POR: variants seen among roughly 807,000 people sequenced by gnomAD.
POR encodes NADPH--cytochrome P450 reductase.
A neutral mutation model predicts 84.0 loss-of-function variants in POR; 56 were observed. The ratio of observed to expected loss-of-function variants is 0.67; its 90% confidence interval spans 0.54 to 0.83. The LOEUF (loss-of-function observed/expected upper bound fraction) is 0.83. Among genes scored for constraint, POR ranks in the 40% least tolerant of loss-of-function variants. The pLI, the probability that POR is intolerant of heterozygous loss-of-function variation, is 0.00. For missense variants in POR, 938 were observed against 944.3 expected (o/e 0.99, Z 0.09); for synonymous variants, 414 against 400.5 (o/e 1.03, Z -0.40).
rs782678534 is a variant in POR at position 75,982,207 on chromosome 7, T to TG, written c.732-15dup. 10 of 1,599,294 alleles carry TG rather than the reference T, an allele frequency of 6.3e-6. No individual in the cohort carries two copies. Among genetic ancestry groups the TG allele is most frequent in the South Asian group, 3.4e-5 (3 of 88,882 alleles). On this transcript the variant is annotated splice_polypyrimidine_tract_variant and intron_variant, in intron 7 of 15. Transcript: ENST00000461988. ...CCCTGCCGCTTCCCGGCCTCACCCT[T>TG]GGTCTCCCCTTTCCAGCATTCGCCA...
chr7:75,942,437 A>G (rs1171423958), intron 1 of POR, among the ~76,000 whole-genome samples: 17 of 152,268 alleles, frequency 1.1e-4, no homozygotes, highest in African/African-American at 4.1e-4. Flanking sequence ...CATTTTAATC[A>G]TTGGAAGACA....
In POR at chr7:75,981,444, C is replaced by T. The variant is rs1789035211; in HGVS notation, c.642-73C>T. ...CTTTGGGGATGGGGTGGGGTCGGGG[C>T]GTGCCTGGCACCAGGTACCGTTGCC... On this transcript the variant is annotated intron_variant, in intron 6 of 15. Coordinates refer to ENST00000461988, the MANE Select transcript of POR (RefSeq NM_000941.3). 11 of 1,419,492 alleles carry T rather than the reference C, an allele frequency of 7.7e-6. No homozygotes were observed. The Admixed American group carries it at 1.4e-4, about 18-fold the overall frequency. The allele number at this position is 1,419,492 out of a possible 1,614,324, so 87.9% of individuals were successfully genotyped here.
chr7:75,935,307 C>T (rs1190192010), intron 1 of POR, among the ~76,000 whole-genome samples: 4 of 151,996 alleles, frequency 2.6e-5, no homozygotes, highest in Admixed American at 1.3e-4. Flanking sequence ...AGTGCATTGG[C>T]GCTATCTCAG....
At chr7:75,943,518 C>A (rs1214386036) in intron 1 of POR, among the ~76,000 whole-genome samples, 1 of 152,138 alleles carries the variant, frequency 6.6e-6, no homozygotes, top group Admixed American at 6.6e-5. Context: ...ATAATAGATT[C>A]AAATTTTTTG....
intron 1 of POR, chr7:75,921,161 G>A (rs782497238): frequency 6.6e-6 from 1 of 151,978 alleles, no homozygotes; most frequent in Non-Finnish European, 1.5e-5. Context: ...TGGCCTCACC[G>A]ACTTCCTGGG....
intron 1 of POR, among the ~76,000 whole-genome samples, chr7:75,936,823 A>ATT (rs71519400): frequency 1.6e-4 from 20 of 123,566 alleles, no homozygotes; most frequent in Non-Finnish European, 2.8e-4. Context: ...ATTATTATTA[A>ATT]TTTTTTTTTT....
intron 1 of POR, among the ~76,000 whole-genome samples, chr7:75,924,204 G>A (rs1163946984): frequency 6.6e-6 from 1 of 151,846 alleles, no homozygotes; most frequent in Non-Finnish European, 1.5e-5. Flanking sequence ...TAGGAAGAAA[G>A]GCACAAAAAT....
At chr7:75,966,116 A>G (rs1788169464) in intron 2 of POR, among the ~76,000 whole-genome samples, 1 of 152,172 alleles carries the variant, frequency 6.6e-6, no homozygotes, top group Non-Finnish European at 1.5e-5. Flanking sequence ...GGTGAGGATT[A>G]AACAAAATAA....
At chr7:75,985,517 T>A in intron 12 of POR, 62 bp from the exon 13 acceptor site, 1 of 1,452,506 alleles carries the variant, frequency 6.9e-7, no homozygotes, top group Non-Finnish European at 9.1e-7. Context: ...GAACGGGACT[T>A]GGGGCCGGGG....
rs72553978 is a variant in POR, at chr7:75,915,200, C to T, written c.-5+21C>T. The T allele has an allele frequency of 3.9e-3, 610 of 154,548 alleles. 5 individuals are homozygous for T. The highest frequency in any genetic ancestry group is 0.022 in the South Asian group (106 of 4,924). The allele number at this position is 154,548 out of a possible 1,614,324, so 9.6% of individuals were successfully genotyped here. A position where few individuals can be genotyped will look rare whatever the true frequency, so the allele number is the denominator to read the frequency against. On this transcript the variant is annotated intron_variant, in intron 1 of 15. Coordinates refer to ENST00000461988, the MANE Select transcript of POR (RefSeq NM_000941.3). ...CAGCGGTGAGTGCTATCTTTCGCGG[C>T]GACGGCGGGGTGGGTGAGGTCGGGC...
intron 1 of POR, among the ~76,000 whole-genome samples, chr7:75,935,585 CCCTT>C (rs1386315183): frequency 6.6e-6 from 1 of 150,894 alleles, no homozygotes; most frequent in Admixed American, 6.6e-5. Flanking sequence ...TGGTACTTCT[CCCTT>C]CCTGCCTTTT....
intron 1 of POR, chr7:75,915,431 G>A (rs570664443): frequency 2.0e-5 from 3 of 152,416 alleles, no homozygotes; most frequent in East Asian, 1.9e-4. Context: ...TCCACAGCTT[G>A]GGCCGAGAGA....
At chr7:75,924,113 G>A (rs1457475340) in intron 1 of POR, among the ~76,000 whole-genome samples, 2 of 152,076 alleles carry the variant, frequency 1.3e-5, no homozygotes, top group African/African-American at 4.8e-5. Flanking sequence ...CTCCCTAAGA[G>A]TCCTGCAGCA....
chr7:75,986,113 GGCCACA>G (rs782001854), intron 14 of POR, 40 bp from the exon 15 acceptor site: 1 of 1,581,598 alleles, frequency 6.3e-7, no homozygotes, highest in Admixed American at 1.8e-5. Flanking sequence ...AGGCTGGCAG[GGCCACA>G]GCCACAGTGC....
chr7:75,972,344 C>G, intron 2 of POR, 69 bp from the exon 3 acceptor site: 12 of 1,401,914 alleles, frequency 8.6e-6, no homozygotes, highest in Non-Finnish European at 1.2e-5. Flanking sequence ...CTAAGGACAC[C>G]CACGTCCCGT....
intron 1 of POR, among the ~76,000 whole-genome samples, chr7:75,945,154 A>G (rs1465863536): frequency 6.6e-6 from 1 of 151,806 alleles, no homozygotes; most frequent in Non-Finnish European, 1.5e-5. Flanking sequence ...GGTGAGGCAC[A>G]CCTGTAGTCC....
At position 75,986,754 on chromosome 7, in the gene POR, TTCTC is replaced by T. The variant is rs1437578437; in HGVS notation, c.*277_*280del. ...CTCGGTGGCTGCACAGAAGGGCTCT[TTCTC>T]TCTGCTGAGCTGGGCCCAGCCCCTC... On this transcript the variant is annotated 3_prime_UTR_variant, in exon 16 of 16. Transcript: ENST00000461988. The T allele has an allele frequency of 6.9e-6, 4 of 580,012 alleles. No homozygotes were observed. Among genetic ancestry groups the T allele is most frequent in the South Asian group, 4.4e-5 (2 of 45,218 alleles). 35.9% of individuals were successfully genotyped at this position (580,012 alleles called of 1,614,324 possible).
At chr7:75,941,363 C>A (rs1807971468) in intron 1 of POR, among the ~76,000 whole-genome samples, 1 of 152,174 alleles carries the variant, frequency 6.6e-6, no homozygotes, top group African/African-American at 2.4e-5. Flanking sequence ...GGAAGTATTT[C>A]TCTAGCTGTG....
chr7:75,918,247 A>G (rs1350045525), intron 1 of POR, among the ~76,000 whole-genome samples: 1 of 152,110 alleles, frequency 6.6e-6, no homozygotes, highest in Non-Finnish European at 1.5e-5. Context: ...CGGAGGTTGC[A>G]GTGAGCCGAG....
Sources: allele counts gnomAD v4.1 joint callset (sites outside exome capture counted in the v4.1 genomes callset), GRCh38; gene constraint gnomAD v4.1.1; transcripts MANE v1.5; gene names NCBI Gene and HGNC (gene_info 2026-07-23, HGNC 2026-07-21).